Variants in RASA2 observed in about 807,000 individuals in gnomAD.
RASA2 encodes the protein ras GTPase-activating protein 2.
RASA2 carries 155 observed loss-of-function variants against 118.2 expected under a neutral mutation model. The ratio of observed to expected loss-of-function variants is 1.31; its 90% confidence interval spans 1.15 to 1.50. The LOEUF (loss-of-function observed/expected upper bound fraction) is 1.50. RASA2 is among the 40% of genes most tolerant of loss of function. RASA2 has a pLI of 0.00. For synonymous variants in RASA2, 353 were observed against 349.1 expected, an observed-to-expected ratio of 1.01 and a Z score of -0.12; for missense variants, 1,016 against 1,009.6, an observed-to-expected ratio of 1.01 and a Z score of -0.09.
At position 141,601,442 on chromosome 3, in the gene RASA2, CAAAAAAAAAGAA is replaced by C. The variant is rs575852275; in HGVS notation, c.1934-6227_1934-6216del. Among the ~76,000 whole-genome samples the C allele has an allele frequency of 7.3e-3, 1,045 of 143,796 alleles. 9 individuals carry two copies. Among genetic ancestry groups the C allele is most frequent in the African/African-American group, 0.025 (979 of 39,716 alleles). 94.3% of individuals were successfully genotyped at this position (143,796 alleles called of 152,430 possible). On this transcript the variant is annotated intron_variant, in intron 19 of 23. Coordinates refer to ENST00000286364, the MANE Select transcript of RASA2 (RefSeq NM_006506.5). ...AGAGAGAGACTGTCTCCACTGTCTCCAAAAAAAAAGAAAAAAAAAAGATGATAGAATCATAGA... is the reference window on the plus strand; with the variant it reads ...AGAGAGAGACTGTCTCCACTGTCTCCAAAAAAAAGATGATAGAATCATAGA...
intron 19 of RASA2, among the ~76,000 whole-genome samples, chr3:141,593,816 G>A (rs1330170300): frequency 6.6e-6 from 1 of 152,108 alleles, no homozygotes; most frequent in African/African-American, 2.4e-5. Context: ...CAACCCTCAC[G>A]ATAATCACCA....
intron 22 of RASA2, 21 bp downstream of exon 22, chr3:141,609,544 TATATAACC>T (rs2083603892): frequency 6.7e-7 from 1 of 1,489,934 alleles, no homozygotes; most frequent in Admixed American, 1.7e-5. Context: ...AATCTATTTT[TATATAACC>T]ATAATCTTTC....
chr3:141,544,627 T>G (rs1055129564), intron 5 of RASA2, among the ~76,000 whole-genome samples: 2 of 152,228 alleles, frequency 1.3e-5, no homozygotes, highest in African/African-American at 4.8e-5. Flanking sequence ...TCTTTATAAC[T>G]TTTTTCCTTT....
intron 5 of RASA2, among the ~76,000 whole-genome samples, chr3:141,542,989 C>T (rs1047888433): frequency 1.5e-4 from 23 of 151,810 alleles, no homozygotes; most frequent in Non-Finnish European, 3.1e-4. Context: ...ATCATTTTTG[C>T]CAATCTCTGT....
In RASA2 at chr3:141,540,601, T is replaced by C. The variant is rs956512674; in HGVS notation, c.519T>C (p.Leu173=). 8.5e-5 allele frequency: 137 copies of C among 1,610,428 alleles called. No individual in the cohort carries two copies. Among genetic ancestry groups the C allele is most frequent in the Non-Finnish European group, 1.1e-4 (131 of 1,177,520 alleles). The change falls in exon 5 of 24, where the codon CTT becomes CTC. Residue 173 remains leucine (L), a synonymous_variant. Coordinates refer to ENST00000286364, the MANE Select transcript of RASA2 (RefSeq NM_006506.5). The part of the protein sequence containing the change: ...ITENGTVCQQ[L]VVHIKACHGL... ...AGAATGGAACTGTATGCCAGCAGCT[T>C]GTTGTACAGTAAGCATTTTTTTTAA...
chr3:141,489,377 G>A (rs2081613833), intron 1 of RASA2, among the ~76,000 whole-genome samples: 1 of 152,174 alleles, frequency 6.6e-6, no homozygotes, highest in South Asian at 2.1e-4. Context: ...TAACATGTGG[G>A]TTTTGTAGGG....
At chr3:141,610,946 A>C (rs559950676) in intron 23 of RASA2, among the ~76,000 whole-genome samples, 2 of 152,330 alleles carry the variant, frequency 1.3e-5, no homozygotes, top group South Asian at 4.1e-4. Flanking sequence ...AAAGTGCTAG[A>C]ATTATTTTAT....
chr3:141,553,692 A>G (rs369405981), intron 5 of RASA2, among the ~76,000 whole-genome samples, 165 bp from the exon 6 acceptor site: 3 of 152,242 alleles, frequency 2.0e-5, no homozygotes, highest in African/African-American at 7.2e-5. Flanking sequence ...ACATATGTCC[A>G]TACATATTAC....
At chr3:141,513,707 A>G (rs889429751) in intron 2 of RASA2, among the ~76,000 whole-genome samples, 2 of 152,200 alleles carry the variant, frequency 1.3e-5, no homozygotes, top group Non-Finnish European at 2.9e-5. Context: ...CATTTTAACA[A>G]CTAAAAAGCT....
intron 1 of RASA2, among the ~76,000 whole-genome samples, chr3:141,504,934 C>A (rs1232941599): frequency 1.3e-5 from 2 of 152,100 alleles, no homozygotes; most frequent in Admixed American, 6.6e-5. Flanking sequence ...ACATTTTATT[C>A]TTTCTGCCTG....
At position 141,558,906 on chromosome 3, in the gene RASA2, C is replaced by G; in HGVS notation, c.705C>G (p.Tyr235Ter). 1.2e-6 allele frequency: 2 copies of G among 1,605,588 alleles called. No individual in the cohort carries two copies. Among genetic ancestry groups the G allele is most frequent in the African/African-American group, 1.3e-5 (1 of 74,808 alleles). ...FYFEVTRSSS[Y>*]TRKSQFQVEE... ...TACAGGTAACCAGATCCAGTAGTTA[C>G]ACCAGAAAGTCCCAGTTCCAGGTAG... is the stretch of plus-strand genomic sequence containing the variant. Residue 235 changes from tyrosine (Y) to a stop codon, truncating the protein, a stop_gained, in exon 8 of 24, where the codon TAC (tyrosine) becomes TAG (stop). Coordinates refer to ENST00000286364, the MANE Select transcript of RASA2 (RefSeq NM_006506.5). LOFTEE classifies it high-confidence loss of function.
Position 141,609,540 on chromosome 3 carries a change from T to G in RASA2, c.2329+17T>G. On this transcript the variant is annotated intron_variant, in intron 22 of 23. Transcript: ENST00000286364. ...AGATGGAAGGTAAATACACAATCTATTTTTATATAACCATAATCTTTCATT... is the reference window on the plus strand; with the variant it reads ...AGATGGAAGGTAAATACACAATCTAGTTTTATATAACCATAATCTTTCATT... 1.3e-6 allele frequency: 2 copies of G among 1,503,038 alleles called. No homozygotes were observed. Among genetic ancestry groups the G allele is most frequent in the Non-Finnish European group, 1.8e-6 (2 of 1,086,146 alleles). The allele number at this position is 1,503,038 out of a possible 1,614,324, so 93.1% of individuals were successfully genotyped here. A position where few individuals can be genotyped will look rare whatever the true frequency, so the allele number is the denominator to read the frequency against.
chr3:141,543,880 T>C (rs1261096039), intron 5 of RASA2, among the ~76,000 whole-genome samples: 2 of 130,884 alleles, frequency 1.5e-5, no homozygotes, highest in Non-Finnish European at 1.5e-5. Context: ...TTTTTTCTTT[T>C]TTTTTTTTTT....
chr3:141,576,669 G>A (rs909309877), intron 14 of RASA2, among the ~76,000 whole-genome samples: 1 of 152,196 alleles, frequency 6.6e-6, no homozygotes. Context: ...GTTACCACTA[G>A]GTAGTGCTAG....
At chr3:141,589,212 T>C (rs2083251254) in intron 19 of RASA2, among the ~76,000 whole-genome samples, 1 of 152,186 alleles carries the variant, frequency 6.6e-6, no homozygotes, top group Admixed American at 6.6e-5. Flanking sequence ...TATATAAATG[T>C]TCTCACCTAT....
chr3:141,531,439 CATATGTGTATATATGCATATGTGTGT>C (rs1261837847), intron 4 of RASA2, among the ~76,000 whole-genome samples: 2 of 150,340 alleles, frequency 1.3e-5, no homozygotes, highest in Non-Finnish European at 3.0e-5. Flanking sequence ...TATATATATG[CATATGTGTATATATGCATATGTGTGT>C]ATATATATGC....
At position 141,562,195 on chromosome 3, in the gene RASA2, G is replaced by A. The variant is rs1048915441; in HGVS notation, c.863+2200G>A. On this transcript the variant is annotated intron_variant, in intron 9 of 23. Transcript: ENST00000286364. ...TCTTGAACTCCTGACCTCGTGATCC[G>A]CCCACTTCGGCCTCCCAAAGTGCTG... 4.0e-5 allele frequency among the ~76,000 whole-genome samples: 6 copies of A among 151,268 alleles called. No homozygotes were observed. In the South Asian group the frequency reaches 1.0e-3, roughly 26 times the overall value.
intron 19 of RASA2, among the ~76,000 whole-genome samples, chr3:141,594,534 A>G (rs1188358091): frequency 6.6e-6 from 1 of 152,118 alleles, no homozygotes; most frequent in Non-Finnish European, 1.5e-5. Flanking sequence ...GCAGAGAAAC[A>G]AAAGACAAGA....
chr3:141,551,579 G>A (rs1422494733), intron 5 of RASA2, among the ~76,000 whole-genome samples: 1 of 152,126 alleles, frequency 6.6e-6, no homozygotes, highest in African/African-American at 2.4e-5. Context: ...ACCTCCTCCT[G>A]CTGACAGCTT....
Sources: allele counts gnomAD v4.1 joint callset (sites outside exome capture counted in the v4.1 genomes callset), GRCh38; gene constraint gnomAD v4.1.1; transcripts MANE v1.5; gene names NCBI Gene and HGNC (gene_info 2026-07-23, HGNC 2026-07-21).